SOX5: variants seen among roughly 807,000 people sequenced by gnomAD.
SOX5 encodes the protein transcription factor SOX-5.
SOX5 carries 9 observed loss-of-function variants against 92.0 expected under a neutral mutation model. The observed-to-expected ratio is 0.10, with a 90% CI of 0.06 to 0.17. The LOEUF is 0.17. SOX5 is among the 10% of genes least tolerant of loss of function. The pLI, the probability that SOX5 is intolerant of heterozygous loss-of-function variation, is 1.00. For missense variants in SOX5, 642 were observed against 944.5 expected (o/e 0.68, Z 4.20); for synonymous variants, 344 against 336.3 (o/e 1.02, Z -0.25).
chr12:24,044,065 T>C (rs1215465306), intron 4 of SOX5, among the ~76,000 whole-genome samples: 6 of 152,202 alleles, frequency 3.9e-5, no homozygotes, highest in African/African-American at 1.4e-4. Context: ...ATAAAAGGAA[T>C]GATCAATGTC....
intron 4 of SOX5, among the ~76,000 whole-genome samples, chr12:24,058,139 C>T (rs552104017): frequency 1.3e-5 from 2 of 152,360 alleles, no homozygotes; most frequent in South Asian, 4.1e-4. Context: ...ACAGATGTTT[C>T]CATTAAATCT....
intron 3 of SOX5, among the ~76,000 whole-genome samples, chr12:23,820,875 C>A (rs1194344479): frequency 6.6e-6 from 1 of 152,142 alleles, no homozygotes; most frequent in Non-Finnish European, 1.5e-5. Context: ...CAGCTTTGCT[C>A]TTTTTGCCTA....
chr12:24,545,652 A>T (rs1336788253), intron 1 of SOX5, among the ~76,000 whole-genome samples: 1 of 152,240 alleles, frequency 6.6e-6, no homozygotes, highest in Non-Finnish European at 1.5e-5. Flanking sequence ...TCTAAAAAAT[A>T]GAGAAGTTAT....
chr12:24,072,079 T>G (rs1232024942), intron 4 of SOX5, among the ~76,000 whole-genome samples: 2 of 152,232 alleles, frequency 1.3e-5, no homozygotes, highest in African/African-American at 4.8e-5. Flanking sequence ...TTAGCTATGT[T>G]CTATTTCTAT....
At chr12:24,259,709 T>G (rs1941800401) in intron 3 of SOX5, among the ~76,000 whole-genome samples, 1 of 152,232 alleles carries the variant, frequency 6.6e-6, no homozygotes, top group Non-Finnish European at 1.5e-5. Flanking sequence ...CAGGCTGGCT[T>G]GATAAGTAAC....
At chr12:23,694,970 A>C (rs1271486154) in intron 6 of SOX5, among the ~76,000 whole-genome samples, 1 of 152,064 alleles carries the variant, frequency 6.6e-6, no homozygotes, top group Non-Finnish European at 1.5e-5. Context: ...AATTTTAAAA[A>C]TTAGCTGGGC....
chr12:23,962,114 A>T (rs565347301), intron 4 of SOX5, among the ~76,000 whole-genome samples: 17 of 152,316 alleles, frequency 1.1e-4, no homozygotes, highest in African/African-American at 4.1e-4. Context: ...TGTAAAAAAA[A>T]GTGTGATATT....
chr12:23,805,064 G>A (rs1338901004), intron 3 of SOX5, among the ~76,000 whole-genome samples: 9 of 148,748 alleles, frequency 6.1e-5, no homozygotes, highest in Admixed American at 4.7e-4. Flanking sequence ...ATGACTAGAC[G>A]TTTTTTTAAA....
chr12:23,995,550 T>G (rs1034524632), intron 4 of SOX5, among the ~76,000 whole-genome samples: 2 of 151,980 alleles, frequency 1.3e-5, no homozygotes, highest in African/African-American at 4.8e-5. Flanking sequence ...CTTTTAAAAA[T>G]CAATGGGCAT....
At chr12:23,561,844 T>G (rs969715720) in intron 11 of SOX5, among the ~76,000 whole-genome samples, 2 of 150,360 alleles carry the variant, frequency 1.3e-5, no homozygotes, top group Admixed American at 6.6e-5. Flanking sequence ...TACAGATGCT[T>G]GCTGAATGCA....
intron 1 of SOX5, among the ~76,000 whole-genome samples, chr12:24,522,682 TATAG>T (rs768381198): frequency 3.5e-4 from 53 of 152,130 alleles, no homozygotes; most frequent in Non-Finnish European, 6.8e-4. Context: ...ATGAGCATCT[TATAG>T]ATAAAGAAAA....
intron 4 of SOX5, among the ~76,000 whole-genome samples, chr12:24,091,990 G>A (rs1256975447): frequency 6.6e-6 from 1 of 152,032 alleles, no homozygotes; most frequent in African/African-American, 2.4e-5. Context: ...ATGCTTTTAG[G>A]GATGGTGTTT....
At chr12:24,144,801 C>T (rs1209305024) in intron 4 of SOX5, among the ~76,000 whole-genome samples, 1 of 151,748 alleles carries the variant, frequency 6.6e-6, no homozygotes. Context: ...TGCAATCCAG[C>T]TTGGGTAAAA....
Position 23,854,528 on chromosome 12 carries a change from G to T in SOX5, c.271-8335C>A, listed in dbSNP as rs140616612. ...TCCTCATCTAGAAAATGGGATAAGT[G>T]AAAATTAATTTATATGTATATGATT... On this transcript the variant is annotated intron_variant, in intron 2 of 14. Coordinates refer to ENST00000451604, the MANE Select transcript of SOX5 (RefSeq NM_006940.6). Among the ~76,000 whole-genome samples, 23 of 151,620 alleles carry T rather than the reference G, an allele frequency of 1.5e-4. No individual in the cohort carries two copies. The East Asian group carries it at 4.5e-3, about 30-fold the overall frequency.
At chr12:23,825,580 A>G (rs1051761125) in intron 3 of SOX5, among the ~76,000 whole-genome samples, 1 of 152,148 alleles carries the variant, frequency 6.6e-6, no homozygotes, top group African/African-American at 2.4e-5. Flanking sequence ...GTATGCGTGT[A>G]TTTATTCAGA....
At chr12:24,168,628 A>G (rs1359437063) in intron 4 of SOX5, among the ~76,000 whole-genome samples, 2 of 152,222 alleles carry the variant, frequency 1.3e-5, no homozygotes, top group Non-Finnish European at 2.9e-5. Flanking sequence ...ATGAGCAAGA[A>G]AAATTAGCTT....
chr12:23,680,920 A>T (rs1012594129), intron 6 of SOX5, among the ~76,000 whole-genome samples: 8 of 152,284 alleles, frequency 5.3e-5, no homozygotes, highest in African/African-American at 1.9e-4. Flanking sequence ...CATAAAAAAT[A>T]GTCTATCACA....
chr12:24,177,393 C>T (rs12830479), intron 4 of SOX5, among the ~76,000 whole-genome samples: 7,848 of 152,160 alleles, frequency 0.052, 214 homozygotes, highest in African/African-American at 0.074. Flanking sequence ...CATAAATACC[C>T]TAGAAAATGC....
chr12:23,744,617 A>G (rs1040194259), intron 4 of SOX5, among the ~76,000 whole-genome samples: 2 of 151,918 alleles, frequency 1.3e-5, no homozygotes, highest in Non-Finnish European at 2.9e-5. Flanking sequence ...ATTTTTCAAT[A>G]TTATTATGTT....
Sources: allele counts gnomAD v4.1 joint callset (sites outside exome capture counted in the v4.1 genomes callset), GRCh38; gene constraint gnomAD v4.1.1; transcripts MANE v1.5; gene names NCBI Gene and HGNC (gene_info 2026-07-23, HGNC 2026-07-21).